The following KLHL1 variants were observed in gnomAD, a reference collection of about 807,000 sequenced individuals.
KLHL1 encodes the protein kelch like family member 1.
Under a neutral mutation model 77.7 loss-of-function variants are expected in KLHL1, and 47 were observed. The observed-to-expected ratio is 0.60, with a 90% CI of 0.48 to 0.77. KLHL1 has a LOEUF of 0.77. Among genes scored for constraint, KLHL1 ranks in the 30% least tolerant of loss-of-function variants. The pLI is 0.00. For synonymous variants in KLHL1, 360 were observed against 325.2 expected (o/e 1.11, Z -1.15); for missense variants, 925 against 910.8 (o/e 1.02, Z -0.20).
At chr13:69,865,216 C>T (rs961992343) in intron 5 of KLHL1, among the ~76,000 whole-genome samples, 3 of 152,056 alleles carry the variant, frequency 2.0e-5, no homozygotes, top group Non-Finnish European at 4.4e-5. Flanking sequence ...AGATTGCAGG[C>T]CTGAGCCAGT....
chr13:69,715,163 G>C (rs780196160), intron 9 of KLHL1, among the ~76,000 whole-genome samples: 4 of 152,122 alleles, frequency 2.6e-5, no homozygotes, highest in Admixed American at 6.6e-5. Context: ...AGAAAGCAGG[G>C]CTCCTAAATA....
At chr13:69,756,423 C>T (rs147109036) in intron 7 of KLHL1, among the ~76,000 whole-genome samples, 1 of 152,160 alleles carries the variant, frequency 6.6e-6, no homozygotes, top group East Asian at 1.9e-4. Flanking sequence ...TCATCATTAA[C>T]AAAAAACTTT....
intron 1 of KLHL1, among the ~76,000 whole-genome samples, chr13:70,106,758 T>C (rs1032597643): frequency 1.3e-5 from 2 of 152,136 alleles, no homozygotes; most frequent in Non-Finnish European, 2.9e-5. Flanking sequence ...CTGGAATAGA[T>C]TCAAACCACA....
intron 7 of KLHL1, among the ~76,000 whole-genome samples, chr13:69,785,802 C>G (rs977500430): frequency 3.3e-5 from 5 of 151,970 alleles, no homozygotes; most frequent in African/African-American, 9.7e-5. Flanking sequence ...CAAATAGATG[C>G]AATAAAAAAT....
At chr13:69,889,780 G>C (rs1424771927) in intron 4 of KLHL1, among the ~76,000 whole-genome samples, 1 of 151,944 alleles carries the variant, frequency 6.6e-6, no homozygotes, top group Non-Finnish European at 1.5e-5. Flanking sequence ...CCATGATAAT[G>C]CATTCTTATC....
intron 9 of KLHL1, among the ~76,000 whole-genome samples, chr13:69,712,123 A>T (rs563165081): frequency 6.6e-6 from 1 of 152,194 alleles, no homozygotes; most frequent in Non-Finnish European, 1.5e-5. Context: ...TTTTGTTGGT[A>T]TATGTATTGC....
At chr13:69,861,660 T>C (rs1009893055) in intron 5 of KLHL1, among the ~76,000 whole-genome samples, 3 of 150,536 alleles carry the variant, frequency 2.0e-5, no homozygotes, top group Non-Finnish European at 4.4e-5. Context: ...ACAAGAAAAA[T>C]AAAAGCAAGC....
At chr13:70,008,813 T>C (rs1254607510) in intron 1 of KLHL1, among the ~76,000 whole-genome samples, 1 of 152,150 alleles carries the variant, frequency 6.6e-6, no homozygotes, top group Non-Finnish European at 1.5e-5. Context: ...AGTATGAATC[T>C]GCCAACTTGA....
intron 1 of KLHL1, among the ~76,000 whole-genome samples, chr13:70,065,416 A>G (rs564354682): frequency 5.3e-5 from 8 of 152,276 alleles, no homozygotes; most frequent in African/African-American, 1.2e-4. Flanking sequence ...ACCTTGAGAC[A>G]TATTAGGGAA....
At chr13:69,767,155 T>C (rs975008868) in intron 7 of KLHL1, among the ~76,000 whole-genome samples, 1 of 152,156 alleles carries the variant, frequency 6.6e-6, no homozygotes, top group Non-Finnish European at 1.5e-5. Context: ...CTAAAAATAG[T>C]TGGAAATAAA....
intron 4 of KLHL1, among the ~76,000 whole-genome samples, chr13:69,908,366 G>A (rs552506619): frequency 1.3e-5 from 2 of 151,692 alleles, no homozygotes; most frequent in South Asian, 4.2e-4. Flanking sequence ...ATTTATGTTT[G>A]AATACAATAA....
At position 69,955,250 on chromosome 13, in the gene KLHL1, C is replaced by T. The variant is rs376441745; in HGVS notation, c.817+6058G>A. 3.3e-4 allele frequency among the ~76,000 whole-genome samples: 50 copies of T among 151,378 alleles called. 1 individual carries two copies. The South Asian group carries it at 0.01, about 31-fold the overall frequency. ...TGATATACACTTTTTAATATTAAAG[C>T]AGGACATTAAACATCTCAGCCCCTA... On this transcript the variant is annotated intron_variant, in intron 3 of 10. Transcript: ENST00000377844.
In KLHL1 at chr13:70,094,393, T is replaced by TTATATATA. The variant is rs369471818; in HGVS notation, c.497+12802_497+12809dup. Among the ~76,000 whole-genome samples the TTATATATA allele has an allele frequency of 2.4e-4, 33 of 137,226 alleles. 1 individual carries two copies. The highest frequency in any genetic ancestry group is 8.4e-4 in the East Asian group (4 of 4,784). The allele number at this position is 137,226 out of a possible 152,430, so 90.0% of individuals were successfully genotyped here. ...TGAAACAAATACAATGCAATCATCTTTATATATATATATATATGAATATAT... is the reference window on the plus strand; with the variant it reads ...TGAAACAAATACAATGCAATCATCTTTATATATATATATATATATATATATGAATATAT... On this transcript the variant is annotated intron_variant, in intron 1 of 10. Transcript: ENST00000377844.
chr13:69,732,092 A>G (rs552706536), intron 8 of KLHL1, among the ~76,000 whole-genome samples: 23 of 152,290 alleles, frequency 1.5e-4, no homozygotes, highest in African/African-American at 5.3e-4. Context: ...ATATCGTGTA[A>G]GAAAAGTTAA....
chr13:69,840,539 C>A (rs1879205096), intron 5 of KLHL1, among the ~76,000 whole-genome samples: 1 of 151,668 alleles, frequency 6.6e-6, no homozygotes, highest in Non-Finnish European at 1.5e-5. Flanking sequence ...CAGTTTTAAT[C>A]TGAATAAGAA....
chr13:70,074,145 G>A lies in KLHL1; in HGVS notation c.497+33058C>T, dbSNP rs1457520860. Among the ~76,000 whole-genome samples the A allele has an allele frequency of 3.9e-5, 6 of 152,014 alleles. 1 individual carries two copies. Among genetic ancestry groups the A allele is most frequent in the Admixed American group, 1.3e-4 (2 of 15,274 alleles). ...CCCGGCACCTTAAGCCTCCGCACCC[G>A]GCCCATAAAAATTTTGATATTCAGC... is the stretch of plus-strand genomic sequence containing the variant. On this transcript the variant is annotated intron_variant, in intron 1 of 10. Transcript: ENST00000377844.
chr13:70,029,271 GATGA>G (rs1450335409), intron 1 of KLHL1, among the ~76,000 whole-genome samples: 2 of 152,098 alleles, frequency 1.3e-5, no homozygotes, highest in Non-Finnish European at 2.9e-5. Flanking sequence ...TATATGGGCA[GATGA>G]AAGAAATTTG....
intron 5 of KLHL1, among the ~76,000 whole-genome samples, chr13:69,857,364 C>A (rs927660348): frequency 2.0e-5 from 3 of 151,976 alleles, no homozygotes; most frequent in Non-Finnish European, 4.4e-5. Context: ...TACCTACTTG[C>A]CTCAAATTTA....
At chr13:70,007,733 A>T (rs28544458) in intron 1 of KLHL1, among the ~76,000 whole-genome samples, 1 of 152,018 alleles carries the variant, frequency 6.6e-6, no homozygotes, top group Non-Finnish European at 1.5e-5. Flanking sequence ...ATTAAATTTT[A>T]AAAAATCATA....
Sources: gnomAD v4.1 joint callset for allele counts (sites outside exome capture counted in the v4.1 genomes callset) on GRCh38, gnomAD v4.1.1 for gene constraint, MANE v1.5 for transcripts, NCBI Gene and HGNC (gene_info 2026-07-23, HGNC 2026-07-21) for gene names.